ROBO1: variants seen among roughly 807,000 people sequenced by gnomAD.
ROBO1 encodes the protein roundabout guidance receptor 1.
ROBO1 carries 149 observed loss-of-function variants against 195.9 expected under a neutral mutation model. The ratio of observed to expected loss-of-function variants is 0.76; its 90% confidence interval spans 0.67 to 0.87. The LOEUF is 0.87. ROBO1 is among the 40% of genes least tolerant of loss of function. The pLI, the probability that ROBO1 is intolerant of heterozygous loss-of-function variation, is 0.00. For missense variants in ROBO1, 1,933 were observed against 2,068.3 expected (o/e 0.93, Z 1.27); for synonymous variants, 816 against 733.2 (o/e 1.11, Z -1.82).
chr3:78,851,317 C>A (rs1331226861), intron 4 of ROBO1, among the ~76,000 whole-genome samples: 1 of 152,158 alleles, frequency 6.6e-6, no homozygotes, highest in African/African-American at 2.4e-5. Context: ...AACTAGACCT[C>A]TTTTAAATAA....
chr3:78,886,114 AGTTAT>A (rs2036556202), intron 4 of ROBO1, among the ~76,000 whole-genome samples: 1 of 151,708 alleles, frequency 6.6e-6, no homozygotes. Context: ...ATATTTAACC[AGTTAT>A]GCTTTTCCTA....
chr3:79,289,166 TA>T (rs1456720356), intron 2 of ROBO1, among the ~76,000 whole-genome samples: 1 of 152,126 alleles, frequency 6.6e-6, no homozygotes, highest in Admixed American at 6.5e-5. Context: ...AAAGATACAT[TA>T]AAAACATTCT....
intron 1 of ROBO1, among the ~76,000 whole-genome samples, chr3:79,702,042 T>C (rs1215422488): frequency 1.3e-5 from 2 of 149,974 alleles, no homozygotes; most frequent in African/African-American, 5.0e-5. Context: ...GTTGGCATGG[T>C]AAGATGTACA....
chr3:78,974,545 C>T (rs1025382262), intron 3 of ROBO1, among the ~76,000 whole-genome samples: 10 of 152,112 alleles, frequency 6.6e-5, no homozygotes, highest in African/African-American at 2.4e-4. Flanking sequence ...TGAATTTGTA[C>T]TCTGATACTT....
At chr3:79,744,262 T>C (rs1264018166) in intron 1 of ROBO1, among the ~76,000 whole-genome samples, 2 of 152,208 alleles carry the variant, frequency 1.3e-5, no homozygotes, top group African/African-American at 4.8e-5. Flanking sequence ...ATATGGTCCA[T>C]CACTGACTGA....
Position 79,125,551 on chromosome 3 carries a change from A to G in ROBO1, c.89-12T>C. The G allele has an allele frequency of 6.2e-7, 1 of 1,610,714 alleles. No individual in the cohort carries two copies. The highest frequency in any genetic ancestry group is 8.5e-7 in the Non-Finnish European group (1 of 1,177,408). ...TACATCTTCAGGGTCTGTCGGAAAC[A>G]ACACCAGAGCTGCTGATGGGGTCAC... On this transcript the variant is annotated splice_polypyrimidine_tract_variant and intron_variant, in intron 2 of 30. Transcript: ENST00000464233.
chr3:79,471,249 C>A (rs967423103), intron 2 of ROBO1, among the ~76,000 whole-genome samples: 1 of 152,026 alleles, frequency 6.6e-6, no homozygotes, highest in East Asian at 1.9e-4. Context: ...CACTGGGCAA[C>A]GATTTTCTTG....
intron 2 of ROBO1, among the ~76,000 whole-genome samples, chr3:79,156,367 A>G (rs2108650916): frequency 6.6e-6 from 1 of 151,810 alleles, no homozygotes; most frequent in South Asian, 2.1e-4. Context: ...TTTATTGGCT[A>G]TAGATTAAAC....
chr3:79,746,776 G>A, intron 1 of ROBO1, among the ~76,000 whole-genome samples: 1 of 152,012 alleles, frequency 6.6e-6, no homozygotes, highest in East Asian at 1.9e-4. Context: ...AGCTTTTTCA[G>A]AGATAGCCTA....
chr3:79,238,654 G>A (rs1392766241), intron 2 of ROBO1, among the ~76,000 whole-genome samples: 2 of 152,200 alleles, frequency 1.3e-5, no homozygotes, highest in Non-Finnish European at 2.9e-5. Flanking sequence ...ATAGTTTTAA[G>A]TGCTTGATCC....
At chr3:79,067,162 A>G (rs192706249) in intron 3 of ROBO1, among the ~76,000 whole-genome samples, 18 of 152,116 alleles carry the variant, frequency 1.2e-4, no homozygotes, top group African/African-American at 2.9e-4. Context: ...AGTTTTTCCA[A>G]TTACAAAGAT....
At chr3:78,735,017 G>A (rs2082362951) in intron 5 of ROBO1, among the ~76,000 whole-genome samples, 1 of 152,096 alleles carries the variant, frequency 6.6e-6, no homozygotes, top group Non-Finnish European at 1.5e-5. Flanking sequence ...GCCCATAAAG[G>A]TATATATCTT....
intron 1 of ROBO1, among the ~76,000 whole-genome samples, chr3:79,600,617 T>A (rs1297497318): frequency 2.0e-5 from 3 of 150,818 alleles, no homozygotes; most frequent in African/African-American, 7.3e-5. Flanking sequence ...CTCTTCCCTC[T>A]GCTTAGTTTA....
intron 1 of ROBO1, among the ~76,000 whole-genome samples, chr3:79,613,521 A>G (rs1316869885): frequency 1.3e-5 from 2 of 152,066 alleles, no homozygotes; most frequent in African/African-American, 4.8e-5. Context: ...AAAATATAAA[A>G]TGGCAAAATG....
chr3:79,401,280 A>G (rs1010518894), intron 2 of ROBO1, among the ~76,000 whole-genome samples: 3 of 151,858 alleles, frequency 2.0e-5, no homozygotes, highest in Non-Finnish European at 2.9e-5. Flanking sequence ...TTAAGGATCT[A>G]AGACGTGTGG....
intron 1 of ROBO1, among the ~76,000 whole-genome samples, chr3:79,748,608 A>G (rs1363020309): frequency 2.0e-5 from 3 of 152,118 alleles, no homozygotes; most frequent in Admixed American, 1.3e-4. Flanking sequence ...CTCATCTTGA[A>G]TTGTAACTCC....
chr3:79,350,417 A>T (rs898002786), intron 2 of ROBO1, among the ~76,000 whole-genome samples: 1 of 152,186 alleles, frequency 6.6e-6, no homozygotes, highest in Admixed American at 6.5e-5. Context: ...TAGTGTTATC[A>T]TTTTGATTCA....
intron 14 of ROBO1, among the ~76,000 whole-genome samples, chr3:78,662,324 G>T (rs977003346): frequency 6.6e-6 from 1 of 151,682 alleles, no homozygotes; most frequent in Non-Finnish European, 1.5e-5. Context: ...TAGAGAGAAC[G>T]CAGAGGACAT....
chr3:79,430,629 G>T (rs2038639371), intron 2 of ROBO1, among the ~76,000 whole-genome samples: 1 of 152,092 alleles, frequency 6.6e-6, no homozygotes, highest in African/African-American at 2.4e-5. Context: ...AGAAATGAAA[G>T]GCTGTAGAGT....
Sources: gnomAD v4.1 joint callset for allele counts (sites outside exome capture counted in the v4.1 genomes callset) on GRCh38, gnomAD v4.1.1 for gene constraint, MANE v1.5 for transcripts, NCBI Gene and HGNC (gene_info 2026-07-23, HGNC 2026-07-21) for gene names.